The following ERC2 variants were observed in gnomAD, a reference collection of about 807,000 sequenced individuals.
ERC2 encodes the protein ERC protein 2.
In ERC2, 42 loss-of-function variants were observed where a neutral mutation model predicts 114.8. That is an observed-to-expected ratio of 0.37 (90% CI 0.29 to 0.47). ERC2 has a LOEUF of 0.47. ERC2 is among the 20% of genes least tolerant of loss of function. ERC2 has a pLI of 0.99. For synonymous variants in ERC2, 454 were observed against 425.5 expected (o/e 1.07, Z -0.82); for missense variants, 939 against 1,150.7 (o/e 0.82, Z 2.66).
chr3:56,132,468 A>G (rs552923608), intron 6 of ERC2, among the ~76,000 whole-genome samples: 1 of 152,238 alleles, frequency 6.6e-6, no homozygotes, highest in South Asian at 2.1e-4. Context: ...CTCCACCAGC[A>G]CCTTACACAA....
At chr3:56,206,216 C>T (rs1193080513) in intron 3 of ERC2, among the ~76,000 whole-genome samples, 12 of 151,966 alleles carry the variant, frequency 7.9e-5, no homozygotes, top group Non-Finnish European at 1.0e-4. Flanking sequence ...CACACACACA[C>T]ACACTCACAT....
intron 17 of ERC2, among the ~76,000 whole-genome samples, chr3:55,522,216 G>C (rs1429762766): frequency 6.6e-6 from 1 of 152,120 alleles, no homozygotes; most frequent in African/African-American, 2.4e-5. Flanking sequence ...ACCATTTTTG[G>C]TAGGGGAGAA....
At chr3:56,305,512 C>CCACACACACACACACACACACA (rs58751787) in intron 2 of ERC2, among the ~76,000 whole-genome samples, 1 of 144,338 alleles carries the variant, frequency 6.9e-6, no homozygotes, top group Non-Finnish European at 1.5e-5. Flanking sequence ...ACTCTCTTAT[C>CCACACACACACACACACACACA]CACACACACA....
At chr3:55,601,618 G>T (rs2058409358) in intron 17 of ERC2, among the ~76,000 whole-genome samples, 1 of 152,180 alleles carries the variant, frequency 6.6e-6, no homozygotes, top group African/African-American at 2.4e-5. Flanking sequence ...CTGAAGAGAA[G>T]CAGACACATT....
intron 14 of ERC2, among the ~76,000 whole-genome samples, chr3:55,814,924 C>A (rs1194152707): frequency 6.6e-6 from 1 of 152,178 alleles, no homozygotes; most frequent in Non-Finnish European, 1.5e-5. Context: ...TCCTTTAAGT[C>A]TATGGTCTAG....
intron 11 of ERC2, among the ~76,000 whole-genome samples, chr3:55,989,148 T>C (rs1215346653): frequency 6.6e-6 from 1 of 152,200 alleles, no homozygotes; most frequent in African/African-American, 2.4e-5. Flanking sequence ...CCACACGTTT[T>C]ATGAATTACA....
In ERC2 at chr3:56,434,735, A is replaced by G; in HGVS notation, c.273T>C (p.Tyr91=). The G allele has an allele frequency of 6.2e-7, 1 of 1,613,962 alleles. No individual in the cohort carries two copies. The highest frequency in any genetic ancestry group is 8.5e-7 in the Non-Finnish European group (1 of 1,179,888). ...TLGRATNRAV[Y]GGRVTAMGSS... ...TCCCCATGGCTGTGACACGGCCTCC[A>G]TATACAGCTCGATTTGTAGCCCTTC... is the stretch of plus-strand genomic sequence containing the variant. Residue 91 remains tyrosine (Y), a synonymous_variant, in exon 2 of 18, where the codon TAT becomes TAC. Transcript: ENST00000288221.
At chr3:55,922,315 A>AGATAATCAAAGGCCTCCAC (rs934171239) in intron 13 of ERC2, among the ~76,000 whole-genome samples, 1 of 152,028 alleles carries the variant, frequency 6.6e-6, no homozygotes, top group Non-Finnish European at 1.5e-5. Context: ...AATTATGGTG[A>AGATAATCAAAGGCCTCCAC]GATAATCAAA....
intron 2 of ERC2, among the ~76,000 whole-genome samples, chr3:56,368,345 G>A (rs2059234824): frequency 6.6e-6 from 1 of 151,906 alleles, no homozygotes. Flanking sequence ...CTCTTAATTG[G>A]GAAAACATTT....
intron 12 of ERC2, among the ~76,000 whole-genome samples, chr3:55,961,116 G>T (rs919868023): frequency 2.6e-5 from 4 of 152,298 alleles, no homozygotes; most frequent in Admixed American, 6.5e-5. Context: ...ACAAAACTTT[G>T]TCTCAAAAAA....
At chr3:56,454,229 G>A (rs1051965377) in intron 1 of ERC2, among the ~76,000 whole-genome samples, 2 of 152,138 alleles carry the variant, frequency 1.3e-5, no homozygotes, top group East Asian at 3.9e-4. Flanking sequence ...TTTAAAGCAT[G>A]GGCTCTGAAG....
At chr3:55,601,832 A>G (rs1004671004) in intron 17 of ERC2, among the ~76,000 whole-genome samples, 1 of 152,186 alleles carries the variant, frequency 6.6e-6, no homozygotes, top group African/African-American at 2.4e-5. Flanking sequence ...TCCTATCTCA[A>G]ACAACAAACA....
chr3:55,702,231 T>C (rs2063259428), intron 15 of ERC2, among the ~76,000 whole-genome samples: 1 of 152,206 alleles, frequency 6.6e-6, no homozygotes, highest in South Asian at 2.1e-4. Flanking sequence ...CTTTCCAATT[T>C]GGTGCTGAAA....
intron 3 of ERC2, among the ~76,000 whole-genome samples, chr3:56,194,016 C>T (rs1190389100): frequency 2.6e-5 from 4 of 152,152 alleles, no homozygotes; most frequent in Non-Finnish European, 4.4e-5. Context: ...AGCTAGTCAT[C>T]AGCTCTTATC....
At position 56,461,189 on chromosome 3, in the gene ERC2, T is replaced by C. The variant is rs920835146; in HGVS notation, c.-141+7059A>G. ...TCCTAACTACAAAGTAAGGACAAGC[T>C]GGCCAGGCTTCAGGTTAATCCAGAA... On this transcript the variant is annotated intron_variant, in intron 1 of 17. Transcript: ENST00000288221. Among the ~76,000 whole-genome samples the C allele has an allele frequency of 1.2e-4, 18 of 152,310 alleles. No individual in the cohort carries two copies. In the Middle Eastern group the frequency reaches 0.01, roughly 86 times the overall value.
chr3:56,153,883 A>T (rs2081558891), intron 4 of ERC2, among the ~76,000 whole-genome samples: 1 of 152,204 alleles, frequency 6.6e-6, no homozygotes, highest in South Asian at 2.1e-4. Context: ...GTTTTTACAG[A>T]GCATTGAATT....
chr3:56,320,604 C>A (rs952348109), intron 2 of ERC2, among the ~76,000 whole-genome samples: 7 of 152,022 alleles, frequency 4.6e-5, no homozygotes, highest in African/African-American at 1.7e-4. Flanking sequence ...CCTGGGGGAC[C>A]AGTTCCTAAA....
chr3:55,874,632 C>G (rs1438029817), intron 14 of ERC2, among the ~76,000 whole-genome samples: 1 of 152,104 alleles, frequency 6.6e-6, no homozygotes, highest in Non-Finnish European at 1.5e-5. Flanking sequence ...GGCACCATGG[C>G]CTTCCCCACT....
chr3:55,541,839 G>A (rs1039010849), intron 17 of ERC2, among the ~76,000 whole-genome samples: 6 of 152,176 alleles, frequency 3.9e-5, no homozygotes, highest in Non-Finnish European at 7.3e-5. Flanking sequence ...AATATAGACA[G>A]GTCAATGTGT....
Sources: gnomAD v4.1 joint callset for allele counts (sites outside exome capture counted in the v4.1 genomes callset) on GRCh38, gnomAD v4.1.1 for gene constraint, MANE v1.5 for transcripts, NCBI Gene and HGNC (gene_info 2026-07-23, HGNC 2026-07-21) for gene names.